The following GIGYF2 variants were observed in gnomAD, a reference collection of about 807,000 sequenced individuals.
GIGYF2 encodes the protein GRB10 interacting GYF protein 2.
In GIGYF2, 25 loss-of-function variants were observed where a neutral mutation model predicts 208.1. That is an observed-to-expected ratio of 0.12 (90% CI 0.09 to 0.17). The LOEUF is 0.17. Among genes scored for constraint, GIGYF2 ranks in the 10% least tolerant of loss-of-function variants. The probability of loss-of-function intolerance (pLI) is 1.00; values close to 1 mark genes in which losing one functional copy is unlikely to be tolerated. For missense variants in GIGYF2, 1,302 were observed against 1,579.4 expected (o/e 0.82, Z 2.98); for synonymous variants, 534 against 543.8 (o/e 0.98, Z 0.25).
chr2:232,852,661 G>A (rs1027483281), intron 28 of GIGYF2, among the ~76,000 whole-genome samples: 1 of 152,136 alleles, frequency 6.6e-6, no homozygotes, highest in African/African-American at 2.4e-5. Flanking sequence ...GTGCAATTCT[G>A]TTTTCCTCTG....
In GIGYF2 at chr2:232,752,563, C is replaced by G. The variant is rs1233845989; in HGVS notation, c.267+3481C>G. On this transcript the variant is annotated intron_variant, in intron 5 of 28. Transcript: ENST00000373563. The stretch of plus-strand genomic sequence containing the variant: ...CTTTATTCATTCTTTTTTTTTGAGA[C>G]AGAGTCTCACTCTTTTGCCCAGGCT... Among the ~76,000 whole-genome samples, 3 of 151,734 alleles carry G rather than the reference C, an allele frequency of 2.0e-5. No homozygotes were observed. In the East Asian group the frequency reaches 5.8e-4, roughly 29 times the overall value.
At chr2:232,815,889 G>A in intron 19 of GIGYF2, 152 bp downstream of exon 19, 1 of 622,688 alleles carries the variant, frequency 1.6e-6, no homozygotes, top group Non-Finnish European at 2.9e-6. Context: ...TATCTTTACT[G>A]TGCTCTCTTC....
chr2:232,805,488 T>C (rs1398436440), intron 14 of GIGYF2, among the ~76,000 whole-genome samples: 2 of 152,232 alleles, frequency 1.3e-5, no homozygotes, highest in African/African-American at 4.8e-5. Flanking sequence ...GTCAACTTTA[T>C]CAAACATGAA....
At chr2:232,713,786 T>C (rs567815097) in intron 2 of GIGYF2, among the ~76,000 whole-genome samples, 2 of 152,334 alleles carry the variant, frequency 1.3e-5, no homozygotes, top group Admixed American at 1.3e-4. Flanking sequence ...ACTGGGGTTA[T>C]GGATTTTTAG....
intron 28 of GIGYF2, 106 bp from the exon 29 acceptor site, chr2:232,856,687 G>A: frequency 1.2e-6 from 1 of 810,794 alleles, no homozygotes; most frequent in Non-Finnish European, 2.2e-6. Flanking sequence ...GTGAAACCCT[G>A]TCTCACAAAC....
At chr2:232,750,210 A>T (rs925228413) in intron 5 of GIGYF2, among the ~76,000 whole-genome samples, 1 of 151,948 alleles carries the variant, frequency 6.6e-6, no homozygotes, top group African/African-American at 2.4e-5. Flanking sequence ...AAATGTTGGC[A>T]TATGTCCTTT....
chr2:232,836,290 A>T (rs369686924), intron 22 of GIGYF2, among the ~76,000 whole-genome samples: 43 of 8,490 alleles, frequency 5.1e-3, no homozygotes, highest in African/African-American at 6.7e-3. Context: ...ATATATATAT[A>T]TATATATATA....
chr2:232,780,977 A>G (rs1295433423), intron 8 of GIGYF2, among the ~76,000 whole-genome samples: 2 of 151,958 alleles, frequency 1.3e-5, no homozygotes, highest in Non-Finnish European at 2.9e-5. Context: ...TTATTTTTGG[A>G]GACGGAGTCT....
intron 3 of GIGYF2, chr2:232,735,764 T>G (rs1697706726): frequency 1.0e-6 from 1 of 985,596 alleles, no homozygotes; most frequent in Non-Finnish European, 1.2e-6. Flanking sequence ...CTCTTACAGA[T>G]GTGTTTGGAC....
At chr2:232,839,733 G>A (rs1400944093) in intron 22 of GIGYF2, 116 bp from the exon 23 acceptor site, 5 of 1,033,434 alleles carry the variant, frequency 4.8e-6, no homozygotes, top group Non-Finnish European at 7.5e-6. Flanking sequence ...TGAATTGAAT[G>A]TGGTAAATGG....
chr2:232,809,624 T>C (rs1369342055), intron 15 of GIGYF2, 96 bp from the exon 16 acceptor site: 8 of 778,118 alleles, frequency 1.0e-5, no homozygotes. Flanking sequence ...GTAAAGGTCT[T>C]AGATTCATTT....
chr2:232,732,635 T>G (rs899837228), intron 2 of GIGYF2, among the ~76,000 whole-genome samples: 2 of 150,278 alleles, frequency 1.3e-5, no homozygotes, highest in African/African-American at 5.0e-5. Flanking sequence ...ATTTTAATTT[T>G]TTTAATTTTT....
At chr2:232,792,580 A>G (rs1221390879) in intron 12 of GIGYF2, among the ~76,000 whole-genome samples, 1 of 151,798 alleles carries the variant, frequency 6.6e-6, no homozygotes, top group East Asian at 1.9e-4. Context: ...CCCTGTCTCT[A>G]AAAACAAAAC....
chr2:232,756,442 T>TTAGTATGCAGTTAATGTCA, intron 6 of GIGYF2, 108 bp downstream of exon 6: 1 of 606,310 alleles, frequency 1.6e-6, no homozygotes, highest in Non-Finnish European at 2.9e-6. Context: ...TCTTTGACAT[T>TTAGTATGCAGTTAATGTCA]AACTGCATAC....
chr2:232,798,460 A>G (rs980478203), intron 14 of GIGYF2, among the ~76,000 whole-genome samples: 5 of 152,190 alleles, frequency 3.3e-5, no homozygotes, highest in Non-Finnish European at 7.4e-5. Context: ...TGGTAGTTCT[A>G]TGCTTAGTTT....
intron 4 of GIGYF2, 73 bp from the exon 5 acceptor site, chr2:232,748,914 G>A (rs1344198938): frequency 1.3e-6 from 1 of 794,370 alleles, no homozygotes; most frequent in Non-Finnish European, 2.3e-6. Context: ...ATTCTTTCTT[G>A]GATTTATCTT....
chr2:232,703,796 A>G (rs1434037288), intron 2 of GIGYF2, among the ~76,000 whole-genome samples: 1 of 152,244 alleles, frequency 6.6e-6, no homozygotes, highest in Admixed American at 6.5e-5. Context: ...CATGAGGGAC[A>G]TGAACCAGAA....
intron 14 of GIGYF2, among the ~76,000 whole-genome samples, chr2:232,805,352 A>T (rs1441285979): frequency 6.6e-6 from 1 of 151,444 alleles, no homozygotes; most frequent in Non-Finnish European, 1.5e-5. Flanking sequence ...GTTCTGTCAG[A>T]TCCTGTTTTG....
At position 232,850,263 on chromosome 2, in the gene GIGYF2, A is replaced by G; in HGVS notation, c.3686A>G (p.Asp1229Gly). The G allele has an allele frequency of 6.2e-7, 1 of 1,612,852 alleles. No homozygotes were observed. The highest frequency in any genetic ancestry group is 8.5e-7 in the Non-Finnish European group (1 of 1,178,872). Residue 1229 changes from aspartate (D) to glycine (G), a missense_variant and splice_region_variant, in exon 28 of 29, where the codon GAC becomes GGC. By Grantham distance (94) the Asp-to-Gly change is moderately conservative (BLOSUM62 -1). Transcript: ENST00000373563. Reference protein sequence around the residue: ...QQPPQQPQQQDSVWGMNHSTL... With the variant: ...QQPPQQPQQQGSVWGMNHSTL... ...TCAGTCATGCTGCTTATTTCACAGG[A>G]CTCTGTGTGGGGGATGAACCACAGT...
Sources: allele counts gnomAD v4.1 joint callset (sites outside exome capture counted in the v4.1 genomes callset), GRCh38; gene constraint gnomAD v4.1.1; transcripts MANE v1.5; gene names NCBI Gene and HGNC (gene_info 2026-07-23, HGNC 2026-07-21).